Variants in ISLR2 observed in about 807,000 individuals in gnomAD.
ISLR2 encodes immunoglobulin superfamily containing leucine-rich repeat protein 2.
A neutral mutation model predicts 25.5 loss-of-function variants in ISLR2; 16 were observed. The ratio of observed to expected loss-of-function variants is 0.63; its 90% CI spans 0.43 to 0.95. The LOEUF (loss-of-function observed/expected upper bound fraction) is 0.95. ISLR2 is among the 40% of genes least tolerant of loss of function. The pLI is 0.00. For missense variants in ISLR2, 883 were observed against 1,030.7 expected, an observed-to-expected ratio of 0.86 and a Z score of 1.96; for synonymous variants, 508 against 486.6, an observed-to-expected ratio of 1.04 and a Z score of -0.58.
chr15:74,112,849 A>G (rs1425510829), intron 2 of ISLR2, among the ~76,000 whole-genome samples: 4 of 120,712 alleles, frequency 3.3e-5, no homozygotes, highest in East Asian at 2.6e-4. Flanking sequence ...TTTTTTTGAG[A>G]CAAGATCTCA....
At position 74,102,719 on chromosome 15, in the gene ISLR2, T is replaced by C. The variant is rs2072089765; in HGVS notation, n.160-1127T>C. Among the ~76,000 whole-genome samples, 2 of 151,978 alleles carry C rather than the reference T, an allele frequency of 1.3e-5. 1 individual carries two copies. The highest frequency in any genetic ancestry group is 4.9e-5 in the African/African-American group (2 of 41,214). On this transcript the variant is annotated intron_variant and non_coding_transcript_variant, in intron 1 of 3. Transcript: ENST00000561975. Reference sequence around the variant, plus strand: ...GGGAAATATACTAGAGAATATGTTATGAATATATGTGAGAATATGTATATA... The same window carrying C: ...GGGAAATATACTAGAGAATATGTTACGAATATATGTGAGAATATGTATATA...
chr15:74,134,731 G>C lies in ISLR2; in HGVS notation c.1977G>C (p.Pro659=). ...ASYLESEKSY[P]AGGEAGGEEP... ...ACCTCGAGTCCGAGAAAAGCTACCC[G>C]GCAGGCGGCGAGGCGGGCGGCGAGG... The change falls in exon 3 of 3, where the codon CCG becomes CCC. Residue 659 remains proline, a synonymous_variant. Transcript: ENST00000453268. The C allele has an allele frequency of 1.2e-6, 2 of 1,614,066 alleles. No individual in the cohort carries two copies. The highest frequency in any genetic ancestry group is 1.7e-6 in the Non-Finnish European group (2 of 1,179,978).
At position 74,134,838 on chromosome 15, in the gene ISLR2, G is replaced by T; in HGVS notation, c.2084G>T (p.Ser695Ile). 1 of 1,614,182 alleles carries T rather than the reference G, an allele frequency of 6.2e-7. No individual in the cohort carries two copies. Among genetic ancestry groups the T allele is most frequent in the East Asian group, 2.2e-5 (1 of 44,878 alleles). ...DPSGDLQREESLAACSLVESQ... is the reference protein window; with the variant it reads ...DPSGDLQREEILAACSLVESQ... ...AGTGGGGACCTGCAGAGAGAGGAGA[G>T]CCTGGCGGCCTGCTCACTGGTGGAG... Residue 695 changes from serine to isoleucine, a missense_variant, in exon 3 of 3, where the codon AGC becomes ATC. Physicochemically the swap from Ser to Ile is moderately radical, Grantham distance 142. Transcript: ENST00000453268.
upstream of ISLR2, chr15:74,129,650 GA>G (rs2072361262): frequency 1.3e-5 from 2 of 152,868 alleles, no homozygotes; most frequent in African/African-American, 4.8e-5. The surrounding 1 kb of genome is among the most constrained non-coding windows in gnomAD (Gnocchi z 4.5). Context: ...GTCGCTGAAA[GA>G]AATGTCGGGG....
Position 74,133,084 on chromosome 15 carries a change from C to T in ISLR2, c.330C>T (p.Phe110=). 1 of 1,612,964 alleles carries T rather than the reference C, an allele frequency of 6.2e-7. No homozygotes were observed. ...QLKNLDLSHN[F]ISSFPWSDLR... is the part of the protein sequence containing the mutation. Reference sequence around the variant, plus strand: ...AGAACCTCGATCTGAGCCACAACTTCATATCCAGCTTTCCGTGGAGCGACC... The same window carrying T: ...AGAACCTCGATCTGAGCCACAACTTTATATCCAGCTTTCCGTGGAGCGACC... The change falls in exon 3 of 3, where the codon TTC becomes TTT. Residue 110 remains phenylalanine (F), a synonymous_variant. Transcript: ENST00000453268.
At chr15:74,112,900 T>C (rs1271462048) in intron 2 of ISLR2, among the ~76,000 whole-genome samples, 1 of 149,156 alleles carries the variant, frequency 6.7e-6, no homozygotes, top group Non-Finnish European at 1.5e-5. Flanking sequence ...TGATCTCAGC[T>C]CACTGCAACC....
chr15:74,113,178 T>TG (rs1364048212), intron 2 of ISLR2, among the ~76,000 whole-genome samples: 2 of 152,314 alleles, frequency 1.3e-5, no homozygotes, highest in African/African-American at 2.4e-5. Flanking sequence ...GCTGATCTGA[T>TG]GGGGGGCGGA....
chr15:74,120,521 CAAAA>C (rs61636299), intron 2 of ISLR2, among the ~76,000 whole-genome samples: 2 of 47,470 alleles, frequency 4.2e-5, no homozygotes, highest in African/African-American at 1.5e-4. Flanking sequence ...GACTCCATCT[CAAAA>C]AAAAAAAAAA....
downstream of ISLR2, among the ~76,000 whole-genome samples, chr15:74,138,850 G>A (rs540395108): frequency 6.6e-5 from 10 of 152,210 alleles, no homozygotes; most frequent in Non-Finnish European, 1.3e-4. Context: ...CGCTGAGCAC[G>A]GGGCAAGGAC....
chr15:74,104,078 A>G (rs1391941647), intron 2 of ISLR2, among the ~76,000 whole-genome samples: 1 of 152,248 alleles, frequency 6.6e-6, no homozygotes, highest in Non-Finnish European at 1.5e-5. Context: ...GTACTACTAT[A>G]CTTTGATGCT....
In ISLR2 at chr15:74,133,652, G is replaced by A. The variant is rs777160621; in HGVS notation, c.898G>A (p.Gly300Arg). ...GEDDGVGAEE[G>R]EGEGDGDLLT... is the part of the protein sequence containing the mutation. ...GGACGACGGGGTTGGGGCGGAGGAA[G>A]GAGAGGGAGAAGGAGATGGGGATTT... The change falls in exon 3 of 3, where the codon GGA becomes AGA. Residue 300 changes from glycine (G) to arginine (R), a missense_variant. This residue lies in a region of ISLR2 where 612 missense variants were observed against 642.8 expected (regional missense o/e 0.95). Coordinates refer to ENST00000453268, the MANE Select transcript of ISLR2 (RefSeq NM_020851.3). 1.6e-5 allele frequency: 25 copies of A among 1,612,202 alleles called. No individual in the cohort carries two copies. Among genetic ancestry groups the A allele is most frequent in the Admixed American group, 1.5e-4 (9 of 59,716 alleles).
At chr15:74,124,570 C>T (rs1266809728), upstream of ISLR2, among the ~76,000 whole-genome samples, 1 of 152,122 alleles carries the variant, frequency 6.6e-6, no homozygotes, top group Non-Finnish European at 1.5e-5. Flanking sequence ...ACCAGCCTAG[C>T]CAACATGGTG....
chr15:74,134,382 G>T lies in ISLR2; in HGVS notation c.1628G>T (p.Trp543Leu). 1 of 1,607,538 alleles carries T rather than the reference G, an allele frequency of 6.2e-7. No homozygotes were observed. Among genetic ancestry groups the T allele is most frequent in the Non-Finnish European group, 8.5e-7 (1 of 1,178,374 alleles). ...GCGGGGGGCGGCGCGGCAGTGCAGT[G>T]GTCCCGCGTAGAGGAAGGCGTCAAC... is the stretch of plus-strand genomic sequence containing the variant. Reference protein sequence around the residue: ...CPAGGGAAVQWSRVEEGVNAY... With the variant: ...CPAGGGAAVQLSRVEEGVNAY... The change falls in exon 3 of 3, where the codon TGG becomes TTG. Residue 543 changes from tryptophan to leucine, a missense_variant. Around this residue, in one of 2 missense-constraint regions of ISLR2, gnomAD observed 612 missense variants for 642.8 expected, o/e 0.95. Coordinates refer to ENST00000453268, the MANE Select transcript of ISLR2 (RefSeq NM_020851.3).
upstream of ISLR2, chr15:74,127,387 A>AAGGGAG (rs1482616221): frequency 7.2e-5 from 11 of 152,286 alleles, no homozygotes; most frequent in African/African-American, 2.6e-4. Flanking sequence ...GGTGTATAGG[A>AAGGGAG]AGGTTTTGTG....
upstream of ISLR2, chr15:74,127,601 G>A: frequency 6.6e-6 from 1 of 152,452 alleles, no homozygotes; most frequent in Non-Finnish European, 1.5e-5. Flanking sequence ...CTGCAGAGCC[G>A]TGAGCAGCGG....
rs1392694422 is a variant in ISLR2, at chr15:74,130,641, T to G, written c.-119+20T>G. On this transcript the variant is annotated intron_variant, in intron 1 of 2. Transcript: ENST00000453268. The stretch of plus-strand genomic sequence containing the variant: ...GTGAGGGTGAGTTCGCGTGAATGTG[T>G]GTATGCGTGTGCGAGAGGAGAACGG... The G allele has an allele frequency of 6.6e-6, 1 of 152,420 alleles. No homozygotes were observed. Among genetic ancestry groups the G allele is most frequent in the Admixed American group, 6.5e-5 (1 of 15,272 alleles). 9.4% of individuals were successfully genotyped at this position (152,420 alleles called of 1,614,324 possible).
chr15:74,121,514 G>C (rs2072252351), intron 2 of ISLR2, among the ~76,000 whole-genome samples: 1 of 152,112 alleles, frequency 6.6e-6, no homozygotes, highest in Non-Finnish European at 1.5e-5. Context: ...GTAGGGACAG[G>C]CTTGAGGAGT....
chr15:74,136,215 CTG>C lies in ISLR2; in HGVS notation c.*1226_*1227del, dbSNP rs2141966698. 1 of 166,876 alleles carries C rather than the reference CTG, an allele frequency of 6.0e-6. No homozygotes were observed. Among genetic ancestry groups the C allele is most frequent in the African/African-American group, 2.4e-5 (1 of 41,598 alleles). 10.3% of individuals were successfully genotyped at this position (166,876 alleles called of 1,614,324 possible). Reference sequence around the variant, plus strand: ...TCCGTGTGTTGGGCTTTCCGGAGGTCTGTGCGCCCAACAGCGCCGCTCCCGCG... The same window carrying C: ...TCCGTGTGTTGGGCTTTCCGGAGGTCTGCGCCCAACAGCGCCGCTCCCGCG... On this transcript the variant is annotated 3_prime_UTR_variant, in exon 3 of 3. Transcript: ENST00000453268.
At chr15:74,107,872 C>T (rs1402002606) in intron 2 of ISLR2, among the ~76,000 whole-genome samples, 1 of 152,184 alleles carries the variant, frequency 6.6e-6, no homozygotes, top group Non-Finnish European at 1.5e-5. Context: ...GGATCAGGCT[C>T]TCCAGGTACA....
Sources: gnomAD v4.1 joint callset for allele counts (sites outside exome capture counted in the v4.1 genomes callset) on GRCh38, gnomAD v4.1.1 for gene constraint, gnomAD v4.1.1 regional missense constraint, Gnocchi (gnomAD v3.1) non-coding constraint, MANE v1.5 for transcripts, NCBI Gene and HGNC (gene_info 2026-07-23, HGNC 2026-07-21) for gene names.